Variants in MCPH1 observed in about 807,000 individuals in gnomAD.
MCPH1 encodes microcephalin 1.
MCPH1 carries 104 observed loss-of-function variants against 84.5 expected under a neutral mutation model. That is an observed-to-expected ratio of 1.23 (90% CI 1.05 to 1.45). The LOEUF (loss-of-function observed/expected upper bound fraction) is 1.45. MCPH1 is among the 40% of genes most tolerant of loss of function. The pLI is 0.00. For synonymous variants in MCPH1, 514 were observed against 366.8 expected, an observed-to-expected ratio of 1.40 and a Z score of -4.58; for missense variants, 1,498 against 1,005.7, an observed-to-expected ratio of 1.49 and a Z score of -6.62.
intron 11 of MCPH1, among the ~76,000 whole-genome samples, chr8:6,487,413 G>C (rs1242738848): frequency 6.6e-6 from 1 of 152,188 alleles, no homozygotes; most frequent in Admixed American, 6.5e-5. Flanking sequence ...TTACATTAAA[G>C]AAATGCTGAG....
intron 11 of MCPH1, among the ~76,000 whole-genome samples, chr8:6,494,903 T>A (rs1811072452): frequency 6.6e-6 from 1 of 152,172 alleles, no homozygotes; most frequent in Non-Finnish European, 1.5e-5. Context: ...TTATGCCAAT[T>A]TCACCTCACT....
intron 6 of MCPH1, among the ~76,000 whole-genome samples, chr8:6,439,932 C>G (rs1450759367): frequency 6.6e-6 from 1 of 152,152 alleles, no homozygotes; most frequent in Non-Finnish European, 1.5e-5. Context: ...TTTTCCAGAT[C>G]TGTTTCAGTG....
intron 12 of MCPH1, among the ~76,000 whole-genome samples, chr8:6,563,654 T>G (rs189788119): frequency 6.6e-6 from 1 of 152,372 alleles, no homozygotes; most frequent in Admixed American, 6.5e-5. Flanking sequence ...GGACTTCGGT[T>G]TATTTTTGTT....
rs573074166 is a variant in MCPH1, at chr8:6,502,153, A to G, written c.2214+2224A>G. On this transcript the variant is annotated intron_variant, in intron 12 of 13. Transcript: ENST00000344683. ...TGTTTTAGAATAGTGAGAAGATAGT[A>G]AAGTTTCTTTGTCATAGAATGAAAT... is the stretch of plus-strand genomic sequence containing the variant. The G allele has an allele frequency of 1.7e-4, 26 of 152,288 alleles. 2 individuals are homozygous for G. Among genetic ancestry groups the G allele is most frequent in the African/African-American group, 5.5e-4 (23 of 41,558 alleles). 9.4% of individuals were successfully genotyped at this position (152,288 alleles called of 1,614,324 possible).
intron 12 of MCPH1, among the ~76,000 whole-genome samples, chr8:6,575,325 C>T (rs1000024371): frequency 1.3e-5 from 2 of 152,152 alleles, no homozygotes; most frequent in African/African-American, 2.4e-5. Flanking sequence ...TTTTTCTAGA[C>T]AAAGTTAAGC....
intron 12 of MCPH1, among the ~76,000 whole-genome samples, chr8:6,592,623 GT>G (rs573651366): frequency 0.22 from 17,392 of 77,450 alleles, 1,118 homozygotes; most frequent in South Asian, 0.29. Context: ...TCTTTTTTTT[GT>G]TTTTTTTTTT....
At chr8:6,424,163 C>G (rs1800696880) in intron 3 of MCPH1, among the ~76,000 whole-genome samples, 1 of 152,166 alleles carries the variant, frequency 6.6e-6, no homozygotes, top group Non-Finnish European at 1.5e-5. Context: ...TGATAAAATT[C>G]TGACATTTCC....
intron 3 of MCPH1, among the ~76,000 whole-genome samples, chr8:6,419,128 TAC>T (rs59016342): frequency 0.66 from 95,101 of 144,424 alleles, 33,588 homozygotes; most frequent in Admixed American, 0.78. Flanking sequence ...TATATACACA[TAC>T]ACACACACAC....
intron 2 of MCPH1, among the ~76,000 whole-genome samples, chr8:6,414,050 G>C (rs1359852666): frequency 6.6e-6 from 1 of 152,180 alleles, no homozygotes; most frequent in African/African-American, 2.4e-5. Context: ...ACCACACCCA[G>C]TTTCCTTTGG....
At chr8:6,637,172 G>C (rs1340050638) in intron 13 of MCPH1, among the ~76,000 whole-genome samples, 3 of 152,220 alleles carry the variant, frequency 2.0e-5, no homozygotes, top group African/African-American at 7.2e-5. Context: ...TGCAGGTACA[G>C]CAACTGACAG....
intron 9 of MCPH1, among the ~76,000 whole-genome samples, chr8:6,461,543 T>G (rs1585905815): frequency 6.6e-6 from 1 of 152,124 alleles, no homozygotes; most frequent in East Asian, 1.9e-4. Flanking sequence ...TTTTGCCATG[T>G]TGGCCAGGCT....
intron 9 of MCPH1, among the ~76,000 whole-genome samples, chr8:6,464,200 T>C (rs1466576246): frequency 6.6e-6 from 1 of 152,178 alleles, no homozygotes; most frequent in Non-Finnish European, 1.5e-5. Flanking sequence ...AACACAGCTG[T>C]TTCAGTGATC....
intron 12 of MCPH1, among the ~76,000 whole-genome samples, chr8:6,541,691 T>G (rs1045104263): frequency 3.9e-5 from 6 of 152,168 alleles, no homozygotes; most frequent in African/African-American, 1.4e-4. Flanking sequence ...AATATAAAAC[T>G]ATTTTCTTTT....
intron 3 of MCPH1, among the ~76,000 whole-genome samples, chr8:6,424,986 C>T (rs1029214192): frequency 3.9e-5 from 6 of 152,138 alleles, no homozygotes; most frequent in African/African-American, 1.2e-4. Flanking sequence ...ACTGACTGGG[C>T]CTAGAGAATA....
chr8:6,630,183 G>A (rs980267014), intron 13 of MCPH1, among the ~76,000 whole-genome samples: 4 of 152,142 alleles, frequency 2.6e-5, no homozygotes, highest in Non-Finnish European at 5.9e-5. Flanking sequence ...CAAATAAGAG[G>A]CTCAGCAATA....
intron 12 of MCPH1, among the ~76,000 whole-genome samples, chr8:6,567,835 G>T (rs1286839727): frequency 2.0e-5 from 3 of 152,156 alleles, no homozygotes; most frequent in Non-Finnish European, 2.9e-5. Flanking sequence ...CTGTACTGAC[G>T]GGACCACAAG....
chr8:6,414,808 A>C lies in MCPH1; in HGVS notation c.158A>C (p.Lys53Thr), dbSNP rs1799028764. 6.2e-7 allele frequency: 1 copy of C among 1,613,940 alleles called. No homozygotes were observed. ...AAACAAGTAACTCACGTTATCTTCA[A>C]AGATGGCTACCAGAGCACTTGGGAC... is the stretch of plus-strand genomic sequence containing the variant. ...FNKQVTHVIF[K>T]DGYQSTWDKA... The change falls in exon 3 of 14, where the codon AAA (lysine) becomes ACA (threonine). Residue 53 changes from lysine (K) to threonine (T), a missense_variant. Coordinates refer to ENST00000344683, the MANE Select transcript of MCPH1 (RefSeq NM_024596.5).
intron 12 of MCPH1, among the ~76,000 whole-genome samples, chr8:6,545,577 T>A (rs1299382334): frequency 1.3e-5 from 2 of 152,222 alleles, no homozygotes; most frequent in Non-Finnish European, 2.9e-5. Flanking sequence ...TGATGAGGGT[T>A]AAAATGTATA....
At chr8:6,492,678 A>T (rs1294456482) in intron 11 of MCPH1, among the ~76,000 whole-genome samples, 1 of 147,780 alleles carries the variant, frequency 6.8e-6, no homozygotes, top group South Asian at 2.1e-4. Context: ...AATTTTTAGA[A>T]TATTAAAATT....
Sources: allele counts gnomAD v4.1 joint callset (sites outside exome capture counted in the v4.1 genomes callset), GRCh38; gene constraint gnomAD v4.1.1; transcripts MANE v1.5; gene names NCBI Gene and HGNC (gene_info 2026-07-23, HGNC 2026-07-21).